Variants in CFAP46 observed in about 807,000 individuals in gnomAD.
The protein encoded by CFAP46 is cilia and flagella associated protein 46, also known as cilia- and flagella-associated protein 46.
CFAP46 carries 245 observed loss-of-function variants against 325.7 expected under a neutral mutation model. The observed-to-expected ratio is 0.75, with a 90% confidence interval of 0.68 to 0.84. CFAP46 has a LOEUF of 0.84. CFAP46 is among the 40% of genes least tolerant of loss of function. CFAP46 has a pLI of 0.00. For synonymous variants in CFAP46, 1,523 were observed against 1,495.9 expected, an observed-to-expected ratio of 1.02 and a Z score of -0.42; for missense variants, 3,346 against 3,543.0, an observed-to-expected ratio of 0.94 and a Z score of 1.41.
At chr10:132,864,769 C>A (rs1421015613) in intron 35 of CFAP46, among the ~76,000 whole-genome samples, 1 of 135,924 alleles carries the variant, frequency 7.4e-6, no homozygotes, top group African/African-American at 2.8e-5. Flanking sequence ...TGCCTGAGAC[C>A]TGAACACACC....
Position 132,922,131 on chromosome 10 carries a change from C to A in CFAP46, c.1579G>T (p.Val527Leu). ...LALAPDAFQI[V>L]LDSENEAKVS... ...TTGGCCTCATTCTCACTGTCCAGCA[C>A]AATCTGAAACGCGTCAGGGGCTAAG... The change falls in exon 13 of 58, where the codon GTG becomes TTG. Residue 527 changes from valine (V) to leucine (L), a missense_variant. By Grantham distance (32) the Val-to-Leu change is conservative. Coordinates refer to ENST00000368586, the MANE Select transcript of CFAP46 (RefSeq NM_001200049.3). 1 of 1,550,374 alleles carries A rather than the reference C, an allele frequency of 6.5e-7. No individual in the cohort carries two copies. The highest frequency in any genetic ancestry group is 1.7e-4 in the Middle Eastern group (1 of 5,980).
In CFAP46 at chr10:132,876,843, GAGT is replaced by G. The variant is rs1345961807; in HGVS notation, c.4328_4330del (p.Asp1443_Ser1444delinsAla). Reference sequence around the variant, plus strand: ...CTGGATACTTGAGGGGTTCACAGTAGAGTCACTTCTGTCCTGTTTCAGTACAGA... The same window carrying G: ...CTGGATACTTGAGGGGTTCACAGTAGCACTTCTGTCCTGTTTCAGTACAGA... On this transcript the variant is annotated inframe_deletion, in exon 31 of 58. Transcript: ENST00000368586. The surrounding 1 kb of genome is among the most constrained non-coding windows in gnomAD (Gnocchi z 4.1). 1.0e-5 allele frequency: 16 copies of G among 1,550,210 alleles called. No individual in the cohort carries two copies. Among genetic ancestry groups the G allele is most frequent in the Non-Finnish European group, 1.3e-5 (15 of 1,146,992 alleles).
chr10:132,920,301 A>G, intron 13 of CFAP46, 119 bp from the exon 14 acceptor site: 1 of 1,268,132 alleles, frequency 7.9e-7, no homozygotes, highest in South Asian at 1.6e-5. Context: ...TAGCGGCTCC[A>G]GGGGCCCTAG....
intron 7 of CFAP46, among the ~76,000 whole-genome samples, chr10:132,935,616 G>C (rs145248779): frequency 4.4e-5 from 3 of 67,868 alleles, no homozygotes; most frequent in African/African-American, 1.7e-4. Flanking sequence ...CGCTCCCCTC[G>C]GCACCCAAAC....
rs371851974 is a variant in CFAP46, at chr10:132,922,650, C to T, written c.1315G>A (p.Glu439Lys). ...HMEMAQIEED[E>K]DRLEPATEHL... ...TCCGTGGCGGGCTCCAGCCGGTCCT[C>T]GTCCTCCTCGATCTGCGCCATCTCC... The change falls in exon 12 of 58, where the codon GAG (glutamate) becomes AAG (lysine). Residue 439 changes from glutamate to lysine, a missense_variant. Physicochemically the swap from Glu to Lys is moderately conservative, Grantham distance 56. Transcript: ENST00000368586. The T allele has an allele frequency of 9.7e-6, 15 of 1,549,814 alleles. No individual in the cohort carries two copies. Among genetic ancestry groups the T allele is most frequent in the African/African-American group, 6.8e-5 (5 of 73,064 alleles).
Position 132,828,730 on chromosome 10 carries a change from C to T in CFAP46, c.7117+4628G>A, listed in dbSNP as rs191624894. ...CTAGAAATGTGAGGGTCTTTGGTCT[C>T]GGATCCATTTCGAGCTGATTTTCCT... On this transcript the variant is annotated intron_variant, in intron 50 of 57. Transcript: ENST00000368586. This position sits in a 1 kb window ranked among gnomAD's most constrained non-coding sequence, Gnocchi z 4.9. 4.3e-3 allele frequency among the ~76,000 whole-genome samples: 659 copies of T among 152,256 alleles called. 7 individuals carry two copies. Among genetic ancestry groups the T allele is most frequent in the South Asian group, 0.03 (146 of 4,820 alleles).
intron 50 of CFAP46, among the ~76,000 whole-genome samples, chr10:132,823,479 T>C (rs1847939451): frequency 1.5e-5 from 2 of 132,120 alleles, no homozygotes; most frequent in East Asian, 2.5e-4. Flanking sequence ...TGAGTGCTGA[T>C]GTGTGCTGTG....
chr10:132,855,619 G>A (rs1848629848), intron 39 of CFAP46, among the ~76,000 whole-genome samples: 1 of 151,946 alleles, frequency 6.6e-6, no homozygotes, highest in Admixed American at 6.6e-5. Flanking sequence ...CTGCTTTCAG[G>A]GGGACAAATG....
At chr10:132,833,005 C>T (rs1848176899) in intron 50 of CFAP46, among the ~76,000 whole-genome samples, 3 of 152,142 alleles carry the variant, frequency 2.0e-5, no homozygotes, top group African/African-American at 7.2e-5. Flanking sequence ...CAGGGTCTCA[C>T]TCTGTTGCCC....
intron 8 of CFAP46, among the ~76,000 whole-genome samples, chr10:132,932,807 G>T (rs11146050): frequency 0.015 from 2,212 of 152,372 alleles, 66 homozygotes; most frequent in African/African-American, 0.05. Context: ...AGCACAGCGG[G>T]TGCTCTCAGC....
At chr10:132,809,282 G>A (rs1263075019) in intron 57 of CFAP46, among the ~76,000 whole-genome samples, 2 of 152,192 alleles carry the variant, frequency 1.3e-5, no homozygotes, top group Non-Finnish European at 1.5e-5. Context: ...TGCCTCCATT[G>A]CAGGGACCAG....
In CFAP46 at chr10:132,811,024, C is replaced by T; in HGVS notation, c.7509G>A (p.Gln2503=). 1 of 1,597,294 alleles carries T rather than the reference C, an allele frequency of 6.3e-7. No individual in the cohort carries two copies. The highest frequency in any genetic ancestry group is 1.3e-5 in the African/African-American group (1 of 74,814). ...RLVAMNLQEC[Q]VAVLLDLARS... ...GCGCCAGGTCCAGCAGGACTGCCACCTGGCACTCTGCCGGGACGGGAAGGG... is the reference window on the plus strand; with the variant it reads ...GCGCCAGGTCCAGCAGGACTGCCACTTGGCACTCTGCCGGGACGGGAAGGG... Residue 2503 remains glutamine, a synonymous_variant, in exon 56 of 58, where the codon CAG becomes CAA. Coordinates refer to ENST00000368586, the MANE Select transcript of CFAP46 (RefSeq NM_001200049.3).
Position 132,926,801 on chromosome 10 carries a change from A to G in CFAP46, c.967-135T>C, listed in dbSNP as rs1447122465. ...ATACAAGTCACACGATGACACAAAG[A>G]CACCTATGACGCAGAGGTTTAAGTG... On this transcript the variant is annotated intron_variant, in intron 9 of 57. Coordinates refer to ENST00000368586, the MANE Select transcript of CFAP46 (RefSeq NM_001200049.3). The G allele has an allele frequency of 4.3e-6, 3 of 697,996 alleles. No individual in the cohort carries two copies. The East Asian group carries it at 8.2e-5, about 19-fold the overall frequency. 43.2% of individuals were successfully genotyped at this position (697,996 alleles called of 1,614,324 possible).
At chr10:132,810,775 C>T (rs1847564747) in intron 56 of CFAP46, 175 bp downstream of exon 56, 2 of 748,930 alleles carry the variant, frequency 2.7e-6, no homozygotes, top group African/African-American at 3.4e-5. Flanking sequence ...TGAGCCGCCC[C>T]CCTCCCCATG....
intron 32 of CFAP46, among the ~76,000 whole-genome samples, chr10:132,871,933 G>T (rs1308199558): frequency 6.6e-6 from 1 of 152,220 alleles, no homozygotes; most frequent in East Asian, 1.9e-4. Flanking sequence ...TGAAAGAGTT[G>T]ATCCATGTGG....
intron 19 of CFAP46, among the ~76,000 whole-genome samples, chr10:132,912,414 ATCTC>A (rs202173092): frequency 1.2e-3 from 71 of 60,804 alleles, no homozygotes; most frequent in Admixed American, 1.9e-3. Context: ...CTCTCTGCTC[ATCTC>A]TCTCTCTCAC....
At chr10:132,825,281 G>T (rs576957732) in intron 50 of CFAP46, among the ~76,000 whole-genome samples, 128 of 151,058 alleles carry the variant, frequency 8.5e-4, no homozygotes, top group African/African-American at 3.0e-3. Flanking sequence ...TGCTGTGTGT[G>T]TGCTGATGTG....
intron 50 of CFAP46, among the ~76,000 whole-genome samples, chr10:132,831,700 T>G (rs564145983): frequency 6.6e-6 from 1 of 152,310 alleles, no homozygotes; most frequent in South Asian, 2.1e-4. Flanking sequence ...TATTTTTCTT[T>G]TAGTTGGGGG....
chr10:132,821,349 ATGTGTGCTG>A (rs1158839167), intron 50 of CFAP46, among the ~76,000 whole-genome samples: 59 of 80,026 alleles, frequency 7.4e-4, no homozygotes, highest in Non-Finnish European at 1.1e-3. Context: ...CTGTGTGCTG[ATGTGTGCTG>A]TGTGTGCTGT....
Sources: allele counts gnomAD v4.1 joint callset (sites outside exome capture counted in the v4.1 genomes callset), GRCh38; gene constraint gnomAD v4.1.1; non-coding constraint Gnocchi (gnomAD v3.1); transcripts MANE v1.5; gene names NCBI Gene and HGNC (gene_info 2026-07-23, HGNC 2026-07-21).